ZNF563: variants seen among roughly 807,000 people sequenced by gnomAD.
The protein encoded by ZNF563 is zinc finger protein 563.
Under a neutral mutation model 48.5 loss-of-function variants are expected in ZNF563, and 39 were observed. The ratio of observed to expected loss-of-function variants is 0.80; its 90% CI spans 0.62 to 1.05. The LOEUF (loss-of-function observed/expected upper bound fraction) is 1.05, where lower values mean the gene tolerates loss of function less well. Among genes scored for constraint, ZNF563 ranks in the 50% least tolerant of loss-of-function variants. The probability of loss-of-function intolerance (pLI) is 0.00; values close to 1 mark genes in which losing one functional copy is unlikely to be tolerated. For synonymous variants in ZNF563, 168 were observed against 187.9 expected (o/e 0.89, Z 0.87); for missense variants, 538 against 597.0 (o/e 0.90, Z 1.03).
At chr19:12,328,164 A>AT (rs1968838815) in intron 1 of ZNF563, among the ~76,000 whole-genome samples, 1 of 152,240 alleles carries the variant, frequency 6.6e-6, no homozygotes, top group Non-Finnish European at 1.5e-5. Context: ...ATTCTGAGCC[A>AT]TAACACACAC....
chr19:12,328,221 T>A (rs1445228674), intron 1 of ZNF563, among the ~76,000 whole-genome samples: 1 of 152,000 alleles, frequency 6.6e-6, no homozygotes, highest in Non-Finnish European at 1.5e-5. Context: ...GCATGGTGGC[T>A]CACACCTGTG....
At chr19:12,340,756 G>A in the ZNF563 span, among the ~76,000 whole-genome samples, 18 of 151,602 alleles carry the variant, frequency 1.2e-4, no homozygotes, top group East Asian at 5.8e-4. Flanking sequence ...CAGTCTGGGC[G>A]ACAGAGTAAG....
the ZNF563 span, among the ~76,000 whole-genome samples, chr19:12,341,066 T>C: frequency 6.6e-6 from 1 of 152,212 alleles, no homozygotes; most frequent in Non-Finnish European, 1.5e-5. Flanking sequence ...ATTTATTTAT[T>C]TGGGACAAGG....
At chr19:12,322,204 C>T (rs1013339481) in intron 2 of ZNF563, among the ~76,000 whole-genome samples, 4 of 152,018 alleles carry the variant, frequency 2.6e-5, no homozygotes, top group South Asian at 2.1e-4. Context: ...TACAGGCATG[C>T]GCCACCACGC....
At chr19:12,339,659 G>T in the ZNF563 span, among the ~76,000 whole-genome samples, 1 of 152,258 alleles carries the variant, frequency 6.6e-6, no homozygotes, top group East Asian at 1.9e-4. Flanking sequence ...AGGTGTAGCA[G>T]TCAGGTGAGA....
the ZNF563 span, chr19:12,347,273 G>A: frequency 1.3e-5 from 2 of 152,096 alleles, no homozygotes; most frequent in Non-Finnish European, 2.9e-5. Flanking sequence ...AATTCTCAGT[G>A]ACCTGTGACA....
the ZNF563 span, among the ~76,000 whole-genome samples, chr19:12,340,951 A>G: frequency 4.8e-5 from 7 of 146,994 alleles, no homozygotes; most frequent in South Asian, 2.1e-4. Context: ...GAACACTGGG[A>G]AAAAAAAAAA....
At position 12,317,493 on chromosome 19, in the gene ZNF563, T is replaced by TTTTTTTTTTG. The variant is rs1568470324; in HGVS notation, c.*1100_*1101insCAAAAAAAAA. On this transcript the variant is annotated 3_prime_UTR_variant, in exon 4 of 4. Transcript: ENST00000293725. ...TTTCTTTCCTTTTTTTTTTTTTTTG[T>TTTTTTTTTTG]GTGTGTGACAGAGGTTGTTTTGCTC... 1 of 136,520 alleles carries TTTTTTTTTTG rather than the reference T, an allele frequency of 7.3e-6. No individual in the cohort carries two copies. Among genetic ancestry groups the TTTTTTTTTTG allele is most frequent in the Non-Finnish European group, 1.6e-5 (1 of 63,938 alleles). The allele number at this position is 136,520 out of a possible 1,614,324, so 8.5% of individuals were successfully genotyped here.
intron 1 of ZNF563, among the ~76,000 whole-genome samples, chr19:12,328,195 A>G (rs1055497148): frequency 6.6e-6 from 1 of 152,252 alleles, no homozygotes; most frequent in Non-Finnish European, 1.5e-5. Flanking sequence ...GTTTTAAAAT[A>G]GAAATTCCAG....
At chr19:12,320,780 T>C (rs2145801006) in intron 3 of ZNF563, among the ~76,000 whole-genome samples, 1 of 152,254 alleles carries the variant, frequency 6.6e-6, no homozygotes, top group Admixed American at 6.5e-5. Context: ...ATTACAGGCA[T>C]GAGCCACCAT....
intron 3 of ZNF563, among the ~76,000 whole-genome samples, chr19:12,320,159 A>AC (rs567511505): frequency 0.032 from 4,777 of 151,210 alleles, 94 homozygotes; most frequent in African/African-American, 0.045. Flanking sequence ...CTCGTGATCC[A>AC]CCCCCCCTTG....
At chr19:12,339,684 T>A in the ZNF563 span, among the ~76,000 whole-genome samples, 1 of 152,020 alleles carries the variant, frequency 6.6e-6, no homozygotes. Flanking sequence ...TAGGAGGGCA[T>A]TGAGCAGGCC....
the ZNF563 span, among the ~76,000 whole-genome samples, chr19:12,344,269 T>C: frequency 2.0e-5 from 3 of 150,836 alleles, no homozygotes; most frequent in African/African-American, 7.3e-5. Flanking sequence ...GGCATGTGCC[T>C]ATGGTCCCAG....
rs1380477344 is a variant in ZNF563 at position 12,319,673 on chromosome 19, G to C, written c.352C>G (p.Leu118Val). Residue 118 changes from leucine to valine, a missense_variant, in exon 4 of 4, where the codon CTT (leucine) becomes GTT (valine). Transcript: ENST00000293725. ...CEEVIMGHLS[L>V]NSHIRVDSGH... is the part of the protein sequence containing the mutation. ...GAATCAACTCTGATGTGGCTATTAA[G>C]GGATAAATGACCCATTATGACTTCT... The C allele has an allele frequency of 1.9e-6, 3 of 1,613,986 alleles. No individual in the cohort carries two copies. Among genetic ancestry groups the C allele is most frequent in the Admixed American group, 3.3e-5 (2 of 59,980 alleles).
intron 1 of ZNF563, among the ~76,000 whole-genome samples, chr19:12,329,969 GGA>G (rs1968884228): frequency 2.0e-5 from 3 of 151,100 alleles, no homozygotes; most frequent in Admixed American, 6.6e-5. Context: ...TGCCCAGGCT[GGA>G]GTGCAATGGC....
chr19:12,344,577 T>C, the ZNF563 span, among the ~76,000 whole-genome samples: 4 of 152,096 alleles, frequency 2.6e-5, no homozygotes, highest in South Asian at 2.1e-4. Flanking sequence ...ACTTCCTTAA[T>C]AGGAAAAAAG....
At chr19:12,344,792 T>G in the ZNF563 span, among the ~76,000 whole-genome samples, 3 of 152,172 alleles carry the variant, frequency 2.0e-5, no homozygotes, top group Non-Finnish European at 4.4e-5. Context: ...GTTTACAGAT[T>G]ACATGATTCT....
intron 1 of ZNF563, among the ~76,000 whole-genome samples, chr19:12,324,644 G>C (rs1008456677): frequency 6.6e-6 from 1 of 150,612 alleles, no homozygotes; most frequent in Non-Finnish European, 1.5e-5. Flanking sequence ...TTGAACCCAG[G>C]AGGCAGAGGT....
intron 1 of ZNF563, among the ~76,000 whole-genome samples, chr19:12,322,912 C>T (rs1968672296): frequency 6.6e-6 from 1 of 152,212 alleles, no homozygotes; most frequent in Non-Finnish European, 1.5e-5. Context: ...GGTAAAGTTA[C>T]AGTTGAATAG....
Sources: gnomAD v4.1 joint callset for allele counts (sites outside exome capture counted in the v4.1 genomes callset) on GRCh38, gnomAD v4.1.1 for gene constraint, MANE v1.5 for transcripts, NCBI Gene and HGNC (gene_info 2026-07-23, HGNC 2026-07-21) for gene names.